The following FGF23 variants were observed in gnomAD, a reference collection of about 807,000 sequenced individuals.
FGF23 encodes the protein fibroblast growth factor 23.
A neutral mutation model predicts 9.0 loss-of-function variants in FGF23; 8 were observed. That is an observed-to-expected ratio of 0.89 (90% CI 0.52 to 1.60). FGF23 has a LOEUF of 1.60. Among genes scored for constraint, FGF23 ranks in the 40% most tolerant of loss-of-function variants. The pLI is 0.00. For missense variants in FGF23, 311 were observed against 344.3 expected (o/e 0.90, Z 0.77); for synonymous variants, 118 against 146.2 (o/e 0.81, Z 1.39).
chr12:4,373,731 G>C (rs1437779323), intron 1 of FGF23, among the ~76,000 whole-genome samples: 5 of 152,204 alleles, frequency 3.3e-5, no homozygotes, highest in Non-Finnish European at 7.3e-5. Context: ...TGATAATTCA[G>C]CGAGATTTCT....
intron 1 of FGF23, among the ~76,000 whole-genome samples, chr12:4,373,733 G>A (rs989708893): frequency 1.3e-5 from 2 of 152,150 alleles, no homozygotes; most frequent in African/African-American, 2.4e-5. Flanking sequence ...ATAATTCAGC[G>A]AGATTTCTTC....
chr12:4,371,311 C>T (rs13312790), intron 2 of FGF23, among the ~76,000 whole-genome samples: 7 of 152,198 alleles, frequency 4.6e-5, no homozygotes, highest in Admixed American at 1.3e-4. Flanking sequence ...TCTTTTAATC[C>T]TCAAGCTCCA....
intron 2 of FGF23, among the ~76,000 whole-genome samples, chr12:4,372,208 G>A (rs953290455): frequency 6.7e-6 from 1 of 149,376 alleles, no homozygotes; most frequent in African/African-American, 2.5e-5. Context: ...GATAGCATTG[G>A]GAGATATACC....
Position 4,368,403 on chromosome 12 carries a change from A to G in FGF23, c.*1940T>C, listed in dbSNP as rs536751063. Reference sequence around the variant, plus strand: ...CCCTCCCATAATCCTTTTTATTCTTATATTCCGACATGCTTTTAAGTAGTA... The same window carrying G: ...CCCTCCCATAATCCTTTTTATTCTTGTATTCCGACATGCTTTTAAGTAGTA... On this transcript the variant is annotated 3_prime_UTR_variant, in exon 3 of 3. Coordinates refer to ENST00000237837, the MANE Select transcript of FGF23 (RefSeq NM_020638.3). 2 of 181,498 alleles carry G rather than the reference A, an allele frequency of 1.1e-5. No homozygotes were observed. The highest frequency in any genetic ancestry group is 4.0e-4 in the South Asian group (2 of 5,046). The allele number at this position is 181,498 out of a possible 1,614,324, so 11.2% of individuals were successfully genotyped here.
chr12:4,379,260 G>T (rs1865151271), intron 1 of FGF23, 112 bp downstream of exon 1: 5 of 912,906 alleles, frequency 5.5e-6, no homozygotes, highest in Middle Eastern at 2.1e-4. Flanking sequence ...TTCCTGGGCA[G>T]AAAGCTAGGA....
intron 1 of FGF23, among the ~76,000 whole-genome samples, chr12:4,376,022 G>A (rs963508604): frequency 6.6e-6 from 1 of 152,184 alleles, no homozygotes; most frequent in African/African-American, 2.4e-5. Context: ...CGGTAATTCA[G>A]CTTCAATAAA....
At position 4,379,445 on chromosome 12, in the gene FGF23, T is replaced by C. The variant is rs368115734; in HGVS notation, c.138A>G (p.Thr46=). The change falls in exon 1 of 3, where the codon ACA becomes ACG. Residue 46 remains threonine (T), a synonymous_variant. Transcript: ENST00000237837. ...TCTGCAGGTGGTAGCTGTTCCTGGC[T>C]GTGGCTGTGTACAGGTGGATCAGGC... ...WGGLIHLYTA[T]ARNSYHLQIH... The C allele has an allele frequency of 1.2e-6, 2 of 1,613,478 alleles. No homozygotes were observed. Among genetic ancestry groups the C allele is most frequent in the Non-Finnish European group, 8.5e-7 (1 of 1,180,042 alleles).
At chr12:4,378,564 C>T (rs1483825033) in intron 1 of FGF23, among the ~76,000 whole-genome samples, 1 of 152,130 alleles carries the variant, frequency 6.6e-6, no homozygotes, top group Non-Finnish European at 1.5e-5. Context: ...CTCCACAAAC[C>T]TGATCTTTAA....
intron 1 of FGF23, among the ~76,000 whole-genome samples, chr12:4,373,893 G>T (rs993494747): frequency 6.6e-6 from 1 of 152,148 alleles, no homozygotes; most frequent in Admixed American, 6.5e-5. Flanking sequence ...CCCATGCAGG[G>T]ATTCTAATTC....
intron 1 of FGF23, 41 bp downstream of exon 1, chr12:4,379,331 C>T (rs1256345348): frequency 6.4e-7 from 1 of 1,568,082 alleles, no homozygotes; most frequent in South Asian, 1.1e-5. Context: ...AGATGGACAA[C>T]AAGGGTGCTC....
intron 2 of FGF23, among the ~76,000 whole-genome samples, chr12:4,371,657 T>C (rs151078186): frequency 6.6e-6 from 1 of 152,304 alleles, no homozygotes; most frequent in African/African-American, 2.4e-5. Context: ...GCTATCACAA[T>C]TGGGGCAGGG....
rs1246877576 is a variant in FGF23 at position 4,369,263 on chromosome 12, T to A, written c.*1080A>T. 1 of 231,366 alleles carries A rather than the reference T, an allele frequency of 4.3e-6. No homozygotes were observed. Among genetic ancestry groups the A allele is most frequent in the African/African-American group, 2.2e-5 (1 of 45,234 alleles). The allele number at this position is 231,366 out of a possible 1,614,324, so 14.3% of individuals were successfully genotyped here. ...CCCTGATTTCTTTCCCCCTGAGTCC[T>A]TGATGCCACTTCATTTAGAGAAAAG... On this transcript the variant is annotated 3_prime_UTR_variant, in exon 3 of 3. Coordinates refer to ENST00000237837, the MANE Select transcript of FGF23 (RefSeq NM_020638.3).
chr12:4,374,205 G>A (rs1176687366), intron 1 of FGF23, among the ~76,000 whole-genome samples: 1 of 152,212 alleles, frequency 6.6e-6, no homozygotes, highest in Admixed American at 6.5e-5. Flanking sequence ...GTTTGGCTGA[G>A]GGGAACCTTG....
At chr12:4,372,135 A>G (rs951349797) in intron 2 of FGF23, among the ~76,000 whole-genome samples, 1 of 134,254 alleles carries the variant, frequency 7.4e-6, no homozygotes. Flanking sequence ...ATGAGATCAC[A>G]TGGACACAGG....
intron 1 of FGF23, among the ~76,000 whole-genome samples, chr12:4,378,993 G>T (rs1310303230): frequency 6.6e-6 from 1 of 152,170 alleles, no homozygotes; most frequent in African/African-American, 2.4e-5. Context: ...CTGAAACTTA[G>T]TGTCTGTTGA....
At chr12:4,377,274 G>A (rs370778216) in intron 1 of FGF23, among the ~76,000 whole-genome samples, 4 of 152,060 alleles carry the variant, frequency 2.6e-5, no homozygotes, top group Non-Finnish European at 5.9e-5. Flanking sequence ...AGGAAGAAAC[G>A]TCTTTAAGGA....
intron 1 of FGF23, among the ~76,000 whole-genome samples, chr12:4,377,437 T>C: frequency 7.8e-6 from 1 of 128,060 alleles, no homozygotes; most frequent in South Asian, 2.8e-4. Flanking sequence ...TTTTTTTTTT[T>C]TTTTTTTTTT....
rs11397562 is a variant in FGF23 at position 4,377,422 on chromosome 12, CTT to C, written c.211+1948_211+1949del. Among the ~76,000 whole-genome samples, 51 of 69,520 alleles carry C rather than the reference CTT, an allele frequency of 7.3e-4. No individual in the cohort carries two copies. In the South Asian group the frequency reaches 8.6e-3, roughly 12 times the overall value. The allele number at this position is 69,520 out of a possible 152,430, so 45.6% of individuals were successfully genotyped here. A position where few individuals can be genotyped will look rare whatever the true frequency, so the allele number is the denominator to read the frequency against. Reference sequence around the variant, plus strand: ...TTCTGCATTTTAAATCACATATAGTCTTTTTTTTTTTTTTTTTTTTTTTTTTG... The same window carrying C: ...TTCTGCATTTTAAATCACATATAGTCTTTTTTTTTTTTTTTTTTTTTTTTG... On this transcript the variant is annotated intron_variant, in intron 1 of 2. Coordinates refer to ENST00000237837, the MANE Select transcript of FGF23 (RefSeq NM_020638.3).
intron 1 of FGF23, among the ~76,000 whole-genome samples, chr12:4,376,109 T>C (rs1360999188): frequency 6.6e-6 from 1 of 152,146 alleles, no homozygotes; most frequent in Non-Finnish European, 1.5e-5. Flanking sequence ...ACAATAAGCA[T>C]CTCTCTCTTG....
Sources: gnomAD v4.1 joint callset for allele counts (sites outside exome capture counted in the v4.1 genomes callset) on GRCh38, gnomAD v4.1.1 for gene constraint, MANE v1.5 for transcripts, NCBI Gene and HGNC (gene_info 2026-07-23, HGNC 2026-07-21) for gene names.